Variants in INPP4B observed in about 807,000 individuals in gnomAD.
INPP4B encodes inositol polyphosphate 4-phosphatase type II.
A neutral mutation model predicts 122.5 loss-of-function variants in INPP4B; 55 were observed. That is an observed-to-expected ratio of 0.45 (90% CI 0.36 to 0.56). INPP4B has a LOEUF of 0.56. INPP4B is among the 20% of genes least tolerant of loss of function. INPP4B has a pLI of 0.00. For missense variants in INPP4B, 1,000 were observed against 1,097.7 expected, an observed-to-expected ratio of 0.91 and a Z score of 1.26; for synonymous variants, 403 against 388.7, an observed-to-expected ratio of 1.04 and a Z score of -0.43.
intron 16 of INPP4B, among the ~76,000 whole-genome samples, chr4:142,161,650 T>G (rs1820156494): frequency 6.6e-6 from 1 of 151,950 alleles, no homozygotes; most frequent in African/African-American, 2.4e-5. Context: ...AGTCACTAAA[T>G]TATTTAGAGT....
intron 1 of INPP4B, among the ~76,000 whole-genome samples, chr4:142,836,939 G>A (rs1326632329): frequency 3.3e-5 from 5 of 151,916 alleles, no homozygotes; most frequent in African/African-American, 1.2e-4. Context: ...GCCGAGGCGG[G>A]TGGATCACTT....
chr4:142,652,765 A>G (rs1436912764), intron 2 of INPP4B, among the ~76,000 whole-genome samples: 3 of 152,226 alleles, frequency 2.0e-5, no homozygotes, highest in Non-Finnish European at 4.4e-5. Flanking sequence ...AAGAATCAAT[A>G]TTGTGAAAAT....
At chr4:142,774,540 T>C (rs1773562092) in intron 1 of INPP4B, among the ~76,000 whole-genome samples, 1 of 152,090 alleles carries the variant, frequency 6.6e-6, no homozygotes, top group Admixed American at 6.6e-5. Context: ...ACATCTAAAA[T>C]ATTTGAAGGC....
At chr4:142,674,051 C>G (rs867019469) in intron 2 of INPP4B, among the ~76,000 whole-genome samples, 2 of 152,158 alleles carry the variant, frequency 1.3e-5, no homozygotes, top group South Asian at 4.1e-4. Flanking sequence ...CAGAAAAAGT[C>G]TGCATCCAGT....
chr4:142,033,531 C>T (rs1741764337), intron 25 of INPP4B, among the ~76,000 whole-genome samples: 1 of 152,142 alleles, frequency 6.6e-6, no homozygotes, highest in Non-Finnish European at 1.5e-5. Context: ...TGAAAGGAAC[C>T]TCTAGAGGTC....
At chr4:142,208,801 T>C in intron 13 of INPP4B, 95 bp downstream of exon 13, 1 of 958,896 alleles carries the variant, frequency 1.0e-6, no homozygotes, top group Non-Finnish European at 1.4e-6. Context: ...TCTCCAGTTC[T>C]CCTATCTACA....
At chr4:142,166,429 TA>T (rs1435785174) in intron 16 of INPP4B, among the ~76,000 whole-genome samples, 6 of 151,710 alleles carry the variant, frequency 4.0e-5, no homozygotes, top group African/African-American at 2.4e-5. Context: ...CCCAAAACTA[TA>T]AAAACCCTAA....
chr4:142,576,684 T>G (rs1369119433), intron 2 of INPP4B, among the ~76,000 whole-genome samples: 2 of 152,002 alleles, frequency 1.3e-5, no homozygotes, highest in Non-Finnish European at 2.9e-5. Flanking sequence ...ACCTGTAGTT[T>G]GCAATGACAC....
intron 5 of INPP4B, among the ~76,000 whole-genome samples, chr4:142,420,534 A>AT (rs1456552381): frequency 2.0e-5 from 3 of 152,110 alleles, no homozygotes; most frequent in African/African-American, 2.4e-5. Flanking sequence ...TAATTGGTTC[A>AT]TTTTCTCTTC....
At chr4:142,673,614 G>A (rs957703098) in intron 2 of INPP4B, among the ~76,000 whole-genome samples, 5 of 152,114 alleles carry the variant, frequency 3.3e-5, no homozygotes, top group African/African-American at 1.2e-4. Flanking sequence ...CAAGGGCTCA[G>A]ACCTGTTAGG....
At chr4:142,069,736 G>A (rs1578794507) in intron 25 of INPP4B, among the ~76,000 whole-genome samples, 1 of 152,142 alleles carries the variant, frequency 6.6e-6, no homozygotes, top group Admixed American at 6.5e-5. Context: ...AAATCTAGAA[G>A]AAATGGATAA....
intron 12 of INPP4B, among the ~76,000 whole-genome samples, chr4:142,222,037 G>T (rs938319761): frequency 2.0e-5 from 3 of 152,172 alleles, no homozygotes; most frequent in Non-Finnish European, 4.4e-5. Flanking sequence ...TTGCCTCACT[G>T]CAACTTCTGC....
At chr4:142,054,838 G>C (rs1343231892) in intron 25 of INPP4B, among the ~76,000 whole-genome samples, 4 of 147,866 alleles carry the variant, frequency 2.7e-5, no homozygotes, top group Non-Finnish European at 3.0e-5. Flanking sequence ...TCTTTATTAT[G>C]TACTGTCTGT....
intron 22 of INPP4B, among the ~76,000 whole-genome samples, chr4:142,111,856 G>T (rs2152702675): frequency 6.6e-6 from 1 of 151,978 alleles, no homozygotes; most frequent in African/African-American, 2.4e-5. Flanking sequence ...AAATTCTCCT[G>T]CCTTAGCCTC....
chr4:142,607,969 C>T (rs963906027), intron 2 of INPP4B, among the ~76,000 whole-genome samples: 1 of 152,156 alleles, frequency 6.6e-6, no homozygotes, highest in African/African-American at 2.4e-5. Context: ...TGAAACCTTC[C>T]CAGGACATCT....
At chr4:142,781,702 A>G (rs1232025440) in intron 1 of INPP4B, among the ~76,000 whole-genome samples, 2 of 152,218 alleles carry the variant, frequency 1.3e-5, no homozygotes, top group Admixed American at 6.5e-5. Context: ...CACCCAGTGG[A>G]AAATAAATCT....
chr4:142,156,763 G>T (rs922935037), intron 17 of INPP4B, among the ~76,000 whole-genome samples: 1 of 152,060 alleles, frequency 6.6e-6, no homozygotes, highest in African/African-American at 2.4e-5. Context: ...TAGTGATTTA[G>T]AGTGAGCAGG....
intron 17 of INPP4B, among the ~76,000 whole-genome samples, chr4:142,154,983 C>G (rs1341308925): frequency 6.6e-6 from 1 of 151,304 alleles, no homozygotes; most frequent in East Asian, 1.9e-4. Context: ...AAGAATAAGG[C>G]TTTATTATAC....
At chr4:142,736,245 G>C (rs552118995) in intron 1 of INPP4B, among the ~76,000 whole-genome samples, 48 of 152,234 alleles carry the variant, frequency 3.2e-4, no homozygotes, top group African/African-American at 1.0e-3. Flanking sequence ...AGATGACATA[G>C]TGCTCTAAAC....
Sources: allele counts gnomAD v4.1 joint callset (sites outside exome capture counted in the v4.1 genomes callset), GRCh38; gene constraint gnomAD v4.1.1; transcripts MANE v1.5; gene names NCBI Gene and HGNC (gene_info 2026-07-23, HGNC 2026-07-21).